RGS7: variants seen among roughly 807,000 people sequenced by gnomAD.
RGS7 encodes regulator of G-protein signaling 7.
RGS7 carries 27 observed loss-of-function variants against 81.1 expected under a neutral mutation model. That is an observed-to-expected ratio of 0.33 (90% CI 0.25 to 0.46). The LOEUF is 0.46. Among genes scored for constraint, RGS7 ranks in the 20% least tolerant of loss-of-function variants. The pLI is 1.00. For missense variants in RGS7, 396 were observed against 607.4 expected (o/e 0.65, Z 3.66); for synonymous variants, 208 against 207.7 (o/e 1.00, Z -0.01).
intron 3 of RGS7, among the ~76,000 whole-genome samples, chr1:241,060,904 G>C (rs1223139809): frequency 6.6e-6 from 1 of 152,186 alleles, no homozygotes; most frequent in African/African-American, 2.4e-5. Flanking sequence ...ACAGGTATAA[G>C]GAAAGGGGAA....
At chr1:240,961,835 A>G (rs183894423) in intron 4 of RGS7, among the ~76,000 whole-genome samples, 1 of 152,104 alleles carries the variant, frequency 6.6e-6, no homozygotes, top group East Asian at 1.9e-4. Flanking sequence ...TGATGATTAT[A>G]TTGTCCAAAA....
intron 4 of RGS7, among the ~76,000 whole-genome samples, chr1:240,977,661 C>T (rs1303024957): frequency 1.3e-5 from 2 of 152,178 alleles, no homozygotes; most frequent in Non-Finnish European, 2.9e-5. Context: ...TGAGACAGCA[C>T]CACAGTACTA....
intron 2 of RGS7, among the ~76,000 whole-genome samples, chr1:241,242,193 C>T (rs1172710595): frequency 6.6e-6 from 1 of 151,816 alleles, no homozygotes; most frequent in Non-Finnish European, 1.5e-5. Flanking sequence ...TAAGTAAGAA[C>T]ACACAATGTT....
intron 2 of RGS7, among the ~76,000 whole-genome samples, chr1:241,182,824 T>TG (rs1163308735): frequency 6.3e-5 from 8 of 127,416 alleles, no homozygotes; most frequent in East Asian, 2.4e-4. Flanking sequence ...AATTTTTCGG[T>TG]TTTTGTTTGT....
intron 6 of RGS7, among the ~76,000 whole-genome samples, chr1:240,914,587 T>C (rs1168459701): frequency 6.6e-6 from 1 of 152,132 alleles, no homozygotes. Context: ...CATGTAGAAA[T>C]ACTGAAGAGG....
intron 2 of RGS7, among the ~76,000 whole-genome samples, chr1:241,158,892 T>G (rs565978905): frequency 6.6e-6 from 1 of 152,304 alleles, no homozygotes; most frequent in South Asian, 2.1e-4. Flanking sequence ...GGTTTTCATA[T>G]GCACTGAAAA....
At chr1:241,317,837 A>C (rs564348276) in intron 2 of RGS7, among the ~76,000 whole-genome samples, 1 of 152,376 alleles carries the variant, frequency 6.6e-6, no homozygotes, top group Admixed American at 6.5e-5. Flanking sequence ...TATATCTTAC[A>C]GGGACAATAA....
intron 9 of RGS7, among the ~76,000 whole-genome samples, chr1:240,834,807 A>G (rs1415282684): frequency 1.3e-5 from 2 of 152,072 alleles, no homozygotes; most frequent in Non-Finnish European, 2.9e-5. Context: ...CACCGCGCCC[A>G]GCCCGACTTT....
At chr1:241,058,155 A>G (rs2061566843) in intron 3 of RGS7, among the ~76,000 whole-genome samples, 1 of 152,182 alleles carries the variant, frequency 6.6e-6, no homozygotes, top group Admixed American at 6.5e-5. Context: ...GATTTGGGCA[A>G]ATGGGCTCAA....
intron 2 of RGS7, among the ~76,000 whole-genome samples, chr1:241,121,056 T>C (rs1199271858): frequency 6.6e-6 from 1 of 152,194 alleles, no homozygotes; most frequent in Non-Finnish European, 1.5e-5. Context: ...CTCTCTGGAT[T>C]ATGATCTCAC....
chr1:241,109,803 C>A (rs1207898128), intron 2 of RGS7, among the ~76,000 whole-genome samples: 1 of 151,650 alleles, frequency 6.6e-6, no homozygotes, highest in Non-Finnish European at 1.5e-5. Context: ...ACTAAAAATA[C>A]AAAAATTAGC....
chr1:241,012,866 A>G (rs1320619232), intron 3 of RGS7, among the ~76,000 whole-genome samples: 1 of 152,006 alleles, frequency 6.6e-6, no homozygotes, highest in Non-Finnish European at 1.5e-5. Flanking sequence ...CTGGCTACTA[A>G]CTGTTCTTTC....
At position 241,080,309 on chromosome 1, in the gene RGS7, G is replaced by A. The variant is rs527941052; in HGVS notation, c.175+18357C>T. ...TAGAAAAAAAAAAAGACACATTAAA[G>A]AGTGTAAAAGGCTATAAGGTACCTT... On this transcript the variant is annotated intron_variant, in intron 3 of 18. Transcript: ENST00000440928. Among the ~76,000 whole-genome samples the A allele has an allele frequency of 3.1e-3, 472 of 150,746 alleles. 1 individual carries two copies. The highest frequency in any genetic ancestry group is 5.8e-3 in the Non-Finnish European group (392 of 67,786).
intron 3 of RGS7, among the ~76,000 whole-genome samples, chr1:241,026,632 A>G (rs935778118): frequency 1.4e-4 from 22 of 152,226 alleles, no homozygotes; most frequent in African/African-American, 5.1e-4. Context: ...GCCAGGCACT[A>G]CACTGGGCAC....
At chr1:241,020,142 T>C (rs1446693535) in intron 3 of RGS7, among the ~76,000 whole-genome samples, 1 of 152,230 alleles carries the variant, frequency 6.6e-6, no homozygotes, top group Non-Finnish European at 1.5e-5. Context: ...CCTAATGAAG[T>C]TGCTACAGGG....
At position 241,139,633 on chromosome 1, in the gene RGS7, G is replaced by GAACAATAAAA. The variant is rs2067783898; in HGVS notation, c.79-40872_79-40871insTTTTATTGTT. 5.9e-5 allele frequency among the ~76,000 whole-genome samples: 9 copies of GAACAATAAAA among 152,200 alleles called. No homozygotes were observed. In the South Asian group the frequency reaches 1.9e-3, roughly 32 times the overall value. On this transcript the variant is annotated intron_variant, in intron 2 of 18. Transcript: ENST00000440928. ...TATATTCCCATCAGCAAGTGTGAGG[G>GAACAATAAAA]GGTCTTATTCACATCCTGGCCAACA...
At chr1:240,948,539 T>C (rs1007052273) in intron 4 of RGS7, among the ~76,000 whole-genome samples, 3 of 152,120 alleles carry the variant, frequency 2.0e-5, no homozygotes, top group Admixed American at 6.5e-5. Context: ...CCCTCCCTGG[T>C]TCAAGTGATT....
chr1:240,942,570 A>G (rs1305263049), intron 4 of RGS7, among the ~76,000 whole-genome samples: 1 of 152,204 alleles, frequency 6.6e-6, no homozygotes, highest in Non-Finnish European at 1.5e-5. Flanking sequence ...CCAACACAGT[A>G]TAAGTATCAG....
chr1:241,190,778 T>C (rs962554002), intron 2 of RGS7, among the ~76,000 whole-genome samples: 3 of 152,186 alleles, frequency 2.0e-5, no homozygotes, highest in Non-Finnish European at 4.4e-5. Context: ...CTGTTTTTTT[T>C]CCTTCCTGGT....
Sources: gnomAD v4.1 joint callset for allele counts (sites outside exome capture counted in the v4.1 genomes callset) on GRCh38, gnomAD v4.1.1 for gene constraint, MANE v1.5 for transcripts, NCBI Gene and HGNC (gene_info 2026-07-23, HGNC 2026-07-21) for gene names.